CADM2: variants seen among roughly 807,000 people sequenced by gnomAD.
The protein encoded by CADM2 is immunoglobulin superfamily member 4D.
CADM2 carries 12 observed loss-of-function variants against 49.8 expected under a neutral mutation model. That is an observed-to-expected ratio of 0.24 (90% confidence interval 0.15 to 0.39). The LOEUF (loss-of-function observed/expected upper bound fraction) is 0.39. CADM2 is among the 10% of genes least tolerant of loss of function. CADM2 has a pLI of 1.00. For missense variants in CADM2, 378 were observed against 492.3 expected (o/e 0.77, Z 2.20); for synonymous variants, 214 against 175.4 (o/e 1.22, Z -1.74).
At chr3:85,570,519 A>G (rs556376253) in intron 1 of CADM2, among the ~76,000 whole-genome samples, 23 of 152,302 alleles carry the variant, frequency 1.5e-4, no homozygotes, top group African/African-American at 5.3e-4. Context: ...ATTAAAGTCT[A>G]TATTGTAGCA....
At chr3:85,650,288 G>A (rs1329305867) in intron 1 of CADM2, among the ~76,000 whole-genome samples, 1 of 152,136 alleles carries the variant, frequency 6.6e-6, no homozygotes, top group African/African-American at 2.4e-5. Context: ...TGTGACAAAT[G>A]TTGTGAGTAG....
At chr3:85,569,106 A>G (rs1019534156) in intron 1 of CADM2, among the ~76,000 whole-genome samples, 1 of 152,142 alleles carries the variant, frequency 6.6e-6, no homozygotes, top group African/African-American at 2.4e-5. Flanking sequence ...GAGGATCCCT[A>G]GTGATGCATT....
chr3:85,133,976 TGGCG>T (rs1325829284), intron 1 of CADM2, among the ~76,000 whole-genome samples: 2 of 148,866 alleles, frequency 1.3e-5, no homozygotes, highest in African/African-American at 4.8e-5. Flanking sequence ...GGCTCAGGCA[TGGCG>T]GGCTGCAGGT....
intron 8 of CADM2, among the ~76,000 whole-genome samples, chr3:86,022,468 G>A (rs1733318375): frequency 6.6e-6 from 1 of 152,012 alleles, no homozygotes; most frequent in African/African-American, 2.4e-5. Flanking sequence ...CTTGAGAATG[G>A]ATCAATGTCT....
chr3:86,066,508 A>C (rs1263755553), intron 9 of CADM2, among the ~76,000 whole-genome samples, 157 bp from the exon 10 acceptor site: 3 of 152,122 alleles, frequency 2.0e-5, no homozygotes, highest in African/African-American at 7.2e-5. Flanking sequence ...GCGTACCTGA[A>C]AACTGTAAGA....
chr3:85,034,127 TC>T (rs2035104345), intron 1 of CADM2, among the ~76,000 whole-genome samples: 1 of 152,182 alleles, frequency 6.6e-6, no homozygotes, highest in South Asian at 2.1e-4. Flanking sequence ...TTATAAACAA[TC>T]CAATTATAGT....
In CADM2 at chr3:85,818,164, G is replaced by A. The variant is rs560380130; in HGVS notation, c.238+15968G>A. ...CTGTAACTACATTGAGGGTAACAAC[G>A]AAACGGAGATTTCTAATTTGGAGAT... On this transcript the variant is annotated intron_variant, in intron 3 of 9. Transcript: ENST00000383699. 7.4e-4 allele frequency among the ~76,000 whole-genome samples: 112 copies of A among 152,126 alleles called. No homozygotes were observed. The Middle Eastern group carries it at 0.014, about 19-fold the overall frequency.
intron 3 of CADM2, among the ~76,000 whole-genome samples, chr3:85,870,059 T>G (rs1234244304): frequency 2.6e-5 from 4 of 152,174 alleles, no homozygotes; most frequent in Non-Finnish European, 5.9e-5. Flanking sequence ...TTTTATACTG[T>G]TAACTTCTTA....
At chr3:85,310,949 A>G (rs1446581628) in intron 1 of CADM2, among the ~76,000 whole-genome samples, 1 of 152,156 alleles carries the variant, frequency 6.6e-6, no homozygotes, top group African/African-American at 2.4e-5. Flanking sequence ...GGGAAAAGTG[A>G]GTGGTTCTAA....
chr3:85,295,081 A>C (rs2043919177), intron 1 of CADM2, among the ~76,000 whole-genome samples: 1 of 152,218 alleles, frequency 6.6e-6, no homozygotes, highest in Non-Finnish European at 1.5e-5. Context: ...AATGAACTCA[A>C]ACAAATTTAG....
intron 1 of CADM2, among the ~76,000 whole-genome samples, chr3:85,276,118 A>G (rs1473883731): frequency 1.3e-5 from 2 of 151,330 alleles, no homozygotes; most frequent in Non-Finnish European, 3.0e-5. Flanking sequence ...CTGATAAGAT[A>G]TGTAATCACT....
chr3:86,061,987 G>GC (rs1738703737), intron 8 of CADM2, among the ~76,000 whole-genome samples: 1 of 47,886 alleles, frequency 2.1e-5, no homozygotes, highest in Admixed American at 2.7e-4. Context: ...TGTTGATGGT[G>GC]GGGGGGGGGT....
chr3:84,994,647 A>C (rs577586902), intron 1 of CADM2, among the ~76,000 whole-genome samples: 2 of 152,300 alleles, frequency 1.3e-5, no homozygotes, highest in East Asian at 3.9e-4. Flanking sequence ...CTATAACAAG[A>C]AAATGTGTAG....
intron 3 of CADM2, among the ~76,000 whole-genome samples, chr3:85,831,664 T>C (rs1577424969): frequency 6.6e-6 from 1 of 152,012 alleles, no homozygotes; most frequent in South Asian, 2.1e-4. Context: ...CTTTGCTCCC[T>C]TTTTTAATGG....
intron 1 of CADM2, among the ~76,000 whole-genome samples, chr3:85,498,660 G>T (rs2039998527): frequency 6.6e-6 from 1 of 152,118 alleles, no homozygotes. Context: ...TATAATTAGT[G>T]TAAGAAATAT....
intron 3 of CADM2, among the ~76,000 whole-genome samples, chr3:85,845,249 C>T (rs1437144680): frequency 6.6e-6 from 1 of 151,874 alleles, no homozygotes; most frequent in Non-Finnish European, 1.5e-5. Context: ...GCATGGCTCT[C>T]ACAAGACAGA....
chr3:85,348,438 CAAGTTACACATAA>C (rs2030992161), intron 1 of CADM2, among the ~76,000 whole-genome samples: 1 of 152,172 alleles, frequency 6.6e-6, no homozygotes. Context: ...ATGGCTCAGT[CAAGTTACACATAA>C]AAGTAACCAA....
At chr3:86,009,021 A>T (rs991655943) in intron 8 of CADM2, among the ~76,000 whole-genome samples, 5 of 150,562 alleles carry the variant, frequency 3.3e-5, no homozygotes, top group Non-Finnish European at 5.9e-5. Context: ...AACACTAAAT[A>T]GTATTGACTG....
At position 85,307,258 on chromosome 3, in the gene CADM2, A is replaced by T. The variant is rs552551189; in HGVS notation, c.61+347590A>T. 3.5e-4 allele frequency among the ~76,000 whole-genome samples: 53 copies of T among 151,718 alleles called. No homozygotes were observed. The South Asian group carries it at 6.4e-3, about 18-fold the overall frequency. ...TCTAAAAGCTTCAGGATTTTGTGTT[A>T]TGCTTGGTCATATTCTTAAAATAAA... On this transcript the variant is annotated intron_variant, in intron 1 of 9. Coordinates refer to ENST00000383699, the MANE Select transcript of CADM2 (RefSeq NM_001167675.2).
Sources: allele counts gnomAD v4.1 joint callset (sites outside exome capture counted in the v4.1 genomes callset), GRCh38; gene constraint gnomAD v4.1.1; transcripts MANE v1.5; gene names NCBI Gene and HGNC (gene_info 2026-07-23, HGNC 2026-07-21).